Variants in DPYD observed in about 807,000 individuals in gnomAD.
DPYD encodes the protein dihydropyrimidine dehydrogenase, also known as dihydropyrimidine dehydrogenase [NADP(+)].
Under a neutral mutation model 116.2 loss-of-function variants are expected in DPYD, and 109 were observed. That is an observed-to-expected ratio of 0.94 (90% CI 0.80 to 1.10). The LOEUF (loss-of-function observed/expected upper bound fraction) is 1.10, where lower values mean the gene tolerates loss of function less well. Ranked by LOEUF, DPYD falls within the 50% of genes least tolerant of loss-of-function variation. DPYD has a pLI of 0.00. For missense variants in DPYD, 1,302 were observed against 1,254.5 expected (o/e 1.04, Z -0.57); for synonymous variants, 440 against 432.0 (o/e 1.02, Z -0.23).
At chr1:97,710,254 C>T (rs1557899418) in intron 5 of DPYD, among the ~76,000 whole-genome samples, 1 of 151,798 alleles carries the variant, frequency 6.6e-6, no homozygotes, top group Non-Finnish European at 1.5e-5. Flanking sequence ...GCTATTTGTG[C>T]ATCCAAAAGT....
At chr1:97,697,671 C>T (rs1384937601) in intron 6 of DPYD, among the ~76,000 whole-genome samples, 1 of 151,926 alleles carries the variant, frequency 6.6e-6, no homozygotes, top group Non-Finnish European at 1.5e-5. Flanking sequence ...ATCCAGAGAA[C>T]TCTGTCTCAC....
chr1:97,803,643 G>C (rs1667943846), intron 3 of DPYD, among the ~76,000 whole-genome samples: 1 of 151,722 alleles, frequency 6.6e-6, no homozygotes, highest in African/African-American at 2.4e-5. Context: ...AAGATTAACA[G>C]CATATATTTC....
At chr1:97,488,960 G>A (rs2101899087) in intron 13 of DPYD, among the ~76,000 whole-genome samples, 1 of 152,352 alleles carries the variant, frequency 6.6e-6, no homozygotes, top group Non-Finnish European at 1.5e-5. Context: ...CTCTGCTGCT[G>A]TGTATGCTGC....
chr1:97,564,359 T>C (rs915335534), intron 11 of DPYD, among the ~76,000 whole-genome samples: 10 of 152,188 alleles, frequency 6.6e-5, no homozygotes, highest in Admixed American at 1.3e-4. Flanking sequence ...GGCTTCTGGA[T>C]TTCCAGAATC....
At chr1:97,527,205 A>C (rs1005086551) in intron 12 of DPYD, among the ~76,000 whole-genome samples, 1 of 151,750 alleles carries the variant, frequency 6.6e-6, no homozygotes, top group African/African-American at 2.4e-5. Context: ...CAGCCTCTCG[A>C]GTAGCTGGGA....
chr1:97,248,659 C>T (rs562183364), intron 18 of DPYD, among the ~76,000 whole-genome samples: 2 of 152,192 alleles, frequency 1.3e-5, no homozygotes, highest in South Asian at 2.1e-4. Flanking sequence ...TGAAATCCAT[C>T]CGTGATGAGA....
intron 18 of DPYD, among the ~76,000 whole-genome samples, chr1:97,258,214 C>A (rs1663638406): frequency 6.6e-6 from 1 of 152,138 alleles, no homozygotes; most frequent in Admixed American, 6.6e-5. Flanking sequence ...TCAACAGCAG[C>A]TCTTCTAGTC....
intron 14 of DPYD, among the ~76,000 whole-genome samples, chr1:97,424,017 A>G (rs560482672): frequency 6.6e-6 from 1 of 152,126 alleles, no homozygotes; most frequent in African/African-American, 2.4e-5. Flanking sequence ...ACTATGACAC[A>G]TCTGTTTGTC....
intron 14 of DPYD, among the ~76,000 whole-genome samples, chr1:97,410,951 G>A (rs1012562280): frequency 6.6e-6 from 1 of 152,030 alleles, no homozygotes. Flanking sequence ...CCCATAGAGG[G>A]CCACTATTGC....
chr1:97,533,658 GATGTT>G (rs1379218979), intron 12 of DPYD, among the ~76,000 whole-genome samples: 1 of 152,150 alleles, frequency 6.6e-6, no homozygotes, highest in Non-Finnish European at 1.5e-5. Flanking sequence ...TGACAGCAGT[GATGTT>G]AAATATTAAG....
intron 12 of DPYD, among the ~76,000 whole-genome samples, chr1:97,539,105 T>A (rs937298472): frequency 8.5e-5 from 13 of 152,098 alleles, no homozygotes; most frequent in Non-Finnish European, 1.5e-4. Flanking sequence ...AATGAAAAAA[T>A]TAACTTTTTG....
At chr1:97,206,956 C>G (rs1659681837) in intron 19 of DPYD, among the ~76,000 whole-genome samples, 1 of 151,480 alleles carries the variant, frequency 6.6e-6, no homozygotes, top group Non-Finnish European at 1.5e-5. Flanking sequence ...ACATAATTAT[C>G]TACTTCAGTG....
intron 1 of DPYD, among the ~76,000 whole-genome samples, chr1:97,894,344 G>A (rs1672943002): frequency 6.6e-6 from 1 of 151,692 alleles, no homozygotes; most frequent in Admixed American, 6.6e-5. Context: ...ACCACACATT[G>A]GAAGTTAAGT....
In DPYD at chr1:97,491,282, T is replaced by C. The variant is rs563743827; in HGVS notation, c.1740+24444A>G. ...TAATATGAATAGAATATATATTGCATAGATTTGTTGCAGAGGTTCAGTGAG... is the reference window on the plus strand; with the variant it reads ...TAATATGAATAGAATATATATTGCACAGATTTGTTGCAGAGGTTCAGTGAG... On this transcript the variant is annotated intron_variant, in intron 13 of 22. Coordinates refer to ENST00000370192, the MANE Select transcript of DPYD (RefSeq NM_000110.4). Among the ~76,000 whole-genome samples, 3 of 150,360 alleles carry C rather than the reference T, an allele frequency of 2.0e-5. No homozygotes were observed. The East Asian group carries it at 5.8e-4, about 29-fold the overall frequency.
intron 3 of DPYD, among the ~76,000 whole-genome samples, chr1:97,766,046 C>T (rs1002072152): frequency 3.9e-5 from 6 of 152,012 alleles, no homozygotes; most frequent in Non-Finnish European, 7.4e-5. Flanking sequence ...GAGTTCAAGA[C>T]CAGCCTGACC....
At chr1:97,850,928 C>G (rs928945561) in intron 2 of DPYD, among the ~76,000 whole-genome samples, 1 of 151,996 alleles carries the variant, frequency 6.6e-6, no homozygotes, top group East Asian at 1.9e-4. Flanking sequence ...GATTCCTTAC[C>G]AATTTGCTAC....
intron 5 of DPYD, among the ~76,000 whole-genome samples, chr1:97,714,443 T>C (rs949734908): frequency 6.6e-6 from 1 of 151,740 alleles, no homozygotes; most frequent in South Asian, 2.1e-4. Flanking sequence ...TGATTTGACC[T>C]TGTGATCCGC....
At chr1:97,312,647 A>T (rs1384038970) in intron 16 of DPYD, among the ~76,000 whole-genome samples, 1 of 151,900 alleles carries the variant, frequency 6.6e-6, no homozygotes, top group Non-Finnish European at 1.5e-5. Context: ...AAGACACAGA[A>T]TAACACACAG....
At chr1:97,621,222 T>C (rs1312574989) in intron 8 of DPYD, among the ~76,000 whole-genome samples, 1 of 152,156 alleles carries the variant, frequency 6.6e-6, no homozygotes, top group Non-Finnish European at 1.5e-5. Flanking sequence ...ATTTTAAACA[T>C]AATGAATTGG....
Sources: gnomAD v4.1 joint callset for allele counts (sites outside exome capture counted in the v4.1 genomes callset) on GRCh38, gnomAD v4.1.1 for gene constraint, MANE v1.5 for transcripts, NCBI Gene and HGNC (gene_info 2026-07-23, HGNC 2026-07-21) for gene names.